The following CKLF variants were observed in gnomAD, a reference collection of about 807,000 sequenced individuals.
CKLF encodes the protein chemokine like factor.
A neutral mutation model predicts 12.9 loss-of-function variants in CKLF; 16 were observed. The observed-to-expected ratio is 1.24, with a 90% CI of 0.84 to 1.88. The LOEUF (loss-of-function observed/expected upper bound fraction) is 1.88. Among genes scored for constraint, CKLF ranks in the 40% most tolerant of loss-of-function variants. The pLI, the probability that CKLF is intolerant of heterozygous loss-of-function variation, is 0.00. For missense variants in CKLF, 172 were observed against 188.5 expected (o/e 0.91, Z 0.51); for synonymous variants, 61 against 69.0 (o/e 0.88, Z 0.57).
At chr16:66,564,451 T>C (rs2011997055) in intron 3 of CKLF, among the ~76,000 whole-genome samples, 1 of 152,068 alleles carries the variant, frequency 6.6e-6, no homozygotes, top group South Asian at 2.1e-4. Context: ...TATATTAAAA[T>C]CTATGACTTA....
At chr16:66,564,876 A>T (rs2012084272) in intron 3 of CKLF, among the ~76,000 whole-genome samples, 1 of 152,158 alleles carries the variant, frequency 6.6e-6, no homozygotes, top group Non-Finnish European at 1.5e-5. Flanking sequence ...CACTGACTAG[A>T]GTGTGAGCCC....
intron 2 of CKLF, among the ~76,000 whole-genome samples, chr16:66,561,488 T>C (rs887796926): frequency 2.4e-4 from 37 of 152,160 alleles, no homozygotes; most frequent in South Asian, 4.1e-4. Flanking sequence ...TCTTTTTTTT[T>C]CCCCCTGTGG....
intron 1 of CKLF, among the ~76,000 whole-genome samples, chr16:66,556,275 G>T (rs2011450492): frequency 6.6e-6 from 1 of 152,072 alleles, no homozygotes; most frequent in African/African-American, 2.4e-5. Context: ...CTAGGATAAG[G>T]AATGAAAAAT....
intron 2 of CKLF, among the ~76,000 whole-genome samples, chr16:66,561,652 C>T (rs892358782): frequency 3.3e-5 from 5 of 152,130 alleles, no homozygotes; most frequent in African/African-American, 1.2e-4. Flanking sequence ...GAGAGTTAAC[C>T]TAGAATAGTT....
At position 66,558,269 on chromosome 16, in the gene CKLF, T is replaced by C; in HGVS notation, c.158T>C (p.Val53Ala). The C allele has an allele frequency of 6.2e-7, 1 of 1,613,996 alleles. No individual in the cohort carries two copies. The highest frequency in any genetic ancestry group is 8.5e-7 in the Non-Finnish European group (1 of 1,180,012). ...TATATTGTTATCACTGGATTTGAAG[T>C]CACCGTTATCTTATTTTTCATACTT... ...EPYIVITGFE[V>A]TVILFFILLY... is the part of the protein sequence containing the mutation. Residue 53 changes from valine to alanine, a missense_variant, in exon 2 of 4, where the codon GTC (valine) becomes GCC (alanine). Physicochemically the swap from Val to Ala is moderately conservative, Grantham distance 64. Coordinates refer to ENST00000264001, the MANE Select transcript of CKLF (RefSeq NM_016951.4).
At chr16:66,564,531 T>C (rs893989009) in intron 3 of CKLF, among the ~76,000 whole-genome samples, 1 of 151,286 alleles carries the variant, frequency 6.6e-6, no homozygotes, top group Non-Finnish European at 1.5e-5. Context: ...AGTGCAGTGG[T>C]GCTATCTCAG....
rs16956653 is a variant in CKLF, at chr16:66,554,225, T to A, written c.78+1432T>A. Among the ~76,000 whole-genome samples, 666 of 152,314 alleles carry A rather than the reference T, an allele frequency of 4.4e-3. 3 individuals carry two copies. The highest frequency in any genetic ancestry group is 0.02 in the Middle Eastern group (6 of 294). The stretch of plus-strand genomic sequence containing the variant: ...AAAAATCCCTGACTCATGGAGTTCT[T>A]CAGTTTAATTATGAGACAGACACAT... On this transcript the variant is annotated intron_variant, in intron 1 of 3. Coordinates refer to ENST00000264001, the MANE Select transcript of CKLF (RefSeq NM_016951.4).
rs1462523516 is a variant in CKLF at position 66,558,197 on chromosome 16, CTG to C, written c.89_90del (p.Val30AspfsTer13). ...TGGGTTTTTTTCTTCTAGGCACTAA[CTG>C]TGACATCTATGACCTTTTTTATCAT... On this transcript the variant is annotated frameshift_variant, in exon 2 of 4. Transcript: ENST00000264001. LOFTEE classifies it high-confidence loss of function. The C allele has an allele frequency of 1.2e-6, 2 of 1,611,046 alleles. No homozygotes were observed. The highest frequency in any genetic ancestry group is 2.2e-5 in the East Asian group (1 of 44,880).
chr16:66,565,688 G>C, intron 3 of CKLF, 198 bp from the exon 4 acceptor site: 1 of 587,650 alleles, frequency 1.7e-6, no homozygotes, highest in Admixed American at 3.0e-5. Context: ...CTTTCTATAG[G>C]CAAGTATTTA....
chr16:66,560,306 G>C (rs1446595525), intron 2 of CKLF, among the ~76,000 whole-genome samples: 1 of 152,164 alleles, frequency 6.6e-6, no homozygotes, highest in Non-Finnish European at 1.5e-5. Context: ...AACAGGGTCA[G>C]GGCATACAAG....
intron 3 of CKLF, 70 bp from the exon 4 acceptor site, chr16:66,565,816 A>T (rs2012225964): frequency 4.1e-6 from 6 of 1,449,724 alleles, no homozygotes; most frequent in Non-Finnish European, 5.8e-6. Context: ...TGGGCAGACC[A>T]CTTAAAACTT....
At chr16:66,566,104 G>A (rs752992195), downstream of CKLF, 3 of 1,611,380 alleles carry the variant, frequency 1.9e-6, no homozygotes, top group Non-Finnish European at 2.5e-6. This position sits in a 1 kb window ranked among gnomAD's most constrained non-coding sequence, Gnocchi z 4.9. Flanking sequence ...CAGTATAGGA[G>A]CTAGAGGAAG....
chr16:66,565,699 G>T, intron 3 of CKLF, 187 bp from the exon 4 acceptor site: 1 of 612,362 alleles, frequency 1.6e-6, no homozygotes, highest in Non-Finnish European at 2.9e-6. Context: ...CAAGTATTTA[G>T]AAAACTTAGC....
chr16:66,558,124 G>C, intron 1 of CKLF, 66 bp from the exon 2 acceptor site: 1 of 1,583,252 alleles, frequency 6.3e-7, no homozygotes. Context: ...TTTAGAAATT[G>C]TCATTTTTAC....
downstream of CKLF, chr16:66,566,175 AG>A (rs757068445): frequency 3.3e-4 from 518 of 1,556,918 alleles, 1 homozygote; most frequent in Middle Eastern, 4.6e-3. This position sits in a 1 kb window ranked among gnomAD's most constrained non-coding sequence, Gnocchi z 4.9. Flanking sequence ...GAGCGCTGGG[AG>A]CAGCGGGATC....
intron 2 of CKLF, 108 bp from the exon 3 acceptor site, chr16:66,563,014 C>A: frequency 7.8e-7 from 1 of 1,275,154 alleles, no homozygotes; most frequent in Non-Finnish European, 1.1e-6. Context: ...GTGCATTCTG[C>A]CTGCTGACTT....
chr16:66,556,200 C>T (rs558389733), intron 1 of CKLF, among the ~76,000 whole-genome samples: 10 of 151,174 alleles, frequency 6.6e-5, no homozygotes, highest in Admixed American at 2.0e-4. Flanking sequence ...AGAACTGACA[C>T]GGGAGCCAAA....
downstream of CKLF, chr16:66,566,263 A>G: frequency 1.4e-6 from 2 of 1,454,806 alleles, no homozygotes; most frequent in Non-Finnish European, 1.8e-6. This position sits in a 1 kb window ranked among gnomAD's most constrained non-coding sequence, Gnocchi z 4.9. Context: ...GAATCTCTTT[A>G]CTGCCTGGCT....
At chr16:66,553,078 T>G (rs2011247660) in intron 1 of CKLF, among the ~76,000 whole-genome samples, 2 of 152,172 alleles carry the variant, frequency 1.3e-5, no homozygotes, top group South Asian at 4.1e-4. Context: ...GAGGATCGCT[T>G]GATCCCAGGA....
Sources: gnomAD v4.1 joint callset for allele counts (sites outside exome capture counted in the v4.1 genomes callset) on GRCh38, gnomAD v4.1.1 for gene constraint, Gnocchi (gnomAD v3.1) non-coding constraint, MANE v1.5 for transcripts, NCBI Gene and HGNC (gene_info 2026-07-23, HGNC 2026-07-21) for gene names.